The following TMEM132C variants were observed in gnomAD, a reference collection of about 807,000 sequenced individuals.
TMEM132C encodes transmembrane protein 132C.
Under a neutral mutation model 61.4 loss-of-function variants are expected in TMEM132C, and 29 were observed. The ratio of observed to expected loss-of-function variants is 0.47; its 90% confidence interval spans 0.35 to 0.64. TMEM132C has a LOEUF of 0.64. TMEM132C is among the 30% of genes least tolerant of loss of function. The pLI, the probability that TMEM132C is intolerant of heterozygous loss-of-function variation, is 0.00. For missense variants in TMEM132C, 1,408 were observed against 1,476.9 expected (o/e 0.95, Z 0.76); for synonymous variants, 656 against 633.1 (o/e 1.04, Z -0.54).
intron 1 of TMEM132C, among the ~76,000 whole-genome samples, chr12:128,273,624 C>T (rs543415947): frequency 6.6e-6 from 1 of 152,028 alleles, no homozygotes; most frequent in African/African-American, 2.4e-5. Context: ...TTCTTCTTTC[C>T]CTACCAGCTT....
At chr12:128,541,397 C>G (rs960641071) in intron 2 of TMEM132C, among the ~76,000 whole-genome samples, 5 of 152,050 alleles carry the variant, frequency 3.3e-5, no homozygotes, top group African/African-American at 1.2e-4. Flanking sequence ...GGTGATGAGC[C>G]CCTCTGTTCC....
At chr12:128,508,052 G>T (rs1485738140) in intron 2 of TMEM132C, among the ~76,000 whole-genome samples, 1 of 152,124 alleles carries the variant, frequency 6.6e-6, no homozygotes, top group East Asian at 1.9e-4. Flanking sequence ...CCCTTGGTTT[G>T]TCTGTGGGTG....
intron 5 of TMEM132C, among the ~76,000 whole-genome samples, chr12:128,683,724 TG>T (rs1328283043): frequency 6.6e-6 from 1 of 152,162 alleles, no homozygotes; most frequent in Non-Finnish European, 1.5e-5. Flanking sequence ...CCTAGCACTT[TG>T]GGGGGCCAAG....
chr12:128,299,833 A>G (rs1355693746), intron 1 of TMEM132C, among the ~76,000 whole-genome samples: 3 of 151,994 alleles, frequency 2.0e-5, no homozygotes, highest in African/African-American at 7.3e-5. Context: ...TCACCCCTAC[A>G]CGTGATTGCA....
chr12:128,521,911 G>A (rs1323944963), intron 2 of TMEM132C, among the ~76,000 whole-genome samples: 1 of 152,128 alleles, frequency 6.6e-6, no homozygotes, highest in Non-Finnish European at 1.5e-5. Context: ...CTTCACTCCT[G>A]TACTGCTTGG....
intron 2 of TMEM132C, among the ~76,000 whole-genome samples, chr12:128,538,227 T>C (rs909783893): frequency 6.6e-6 from 1 of 152,170 alleles, no homozygotes; most frequent in Non-Finnish European, 1.5e-5. Flanking sequence ...TTCAAGTGAT[T>C]CCCCTGCCTC....
chr12:128,619,209 G>A (rs929560693), intron 4 of TMEM132C, among the ~76,000 whole-genome samples: 1 of 152,178 alleles, frequency 6.6e-6, no homozygotes, highest in Non-Finnish European at 1.5e-5. Context: ...TTTGTTGATC[G>A]TTTTAAAGAA....
At chr12:128,686,098 A>ATGTGTGT (rs1566014989) in intron 5 of TMEM132C, among the ~76,000 whole-genome samples, 8 of 147,152 alleles carry the variant, frequency 5.4e-5, no homozygotes, top group East Asian at 2.0e-4. Context: ...TTGTGTGCGC[A>ATGTGTGT]TGTGTGTGCA....
chr12:128,481,915 C>T (rs796546163), intron 2 of TMEM132C, among the ~76,000 whole-genome samples: 15 of 152,278 alleles, frequency 9.9e-5, no homozygotes, highest in African/African-American at 3.4e-4. Flanking sequence ...TTGCAGAACC[C>T]TGGAGCATGT....
intron 4 of TMEM132C, among the ~76,000 whole-genome samples, chr12:128,640,711 G>A (rs1401085707): frequency 6.6e-6 from 1 of 152,160 alleles, no homozygotes; most frequent in Non-Finnish European, 1.5e-5. Context: ...AGGTAACATG[G>A]CAAAACCTCT....
intron 1 of TMEM132C, among the ~76,000 whole-genome samples, chr12:128,282,726 CT>C (rs993426541): frequency 2.0e-5 from 3 of 152,178 alleles, no homozygotes; most frequent in East Asian, 3.9e-4. Flanking sequence ...TGGGTTTTTA[CT>C]TTTTTTCAGT....
At chr12:128,515,193 T>C (rs1424021218) in intron 2 of TMEM132C, among the ~76,000 whole-genome samples, 1 of 152,188 alleles carries the variant, frequency 6.6e-6, no homozygotes, top group East Asian at 1.9e-4. Flanking sequence ...GTGTAACCTG[T>C]TTCTAGCCAT....
chr12:128,415,670 A>G lies in TMEM132C; in HGVS notation c.974+50A>G. 6.8e-7 allele frequency: 1 copy of G among 1,463,842 alleles called. No individual in the cohort carries two copies. The highest frequency in any genetic ancestry group is 9.1e-7 in the Non-Finnish European group (1 of 1,099,868). 90.7% of individuals were successfully genotyped at this position (1,463,842 alleles called of 1,614,324 possible). A position where few individuals can be genotyped will look rare whatever the true frequency, so the allele number is the denominator to read the frequency against. Reference sequence around the variant, plus strand: ...TCATCTTTGGCATGCCTGGTGTGAGACTGGGTTCCATGCGTGGCAGATAGA... The same window carrying G: ...TCATCTTTGGCATGCCTGGTGTGAGGCTGGGTTCCATGCGTGGCAGATAGA... On this transcript the variant is annotated intron_variant, in intron 2 of 8. Coordinates refer to ENST00000435159, the MANE Select transcript of TMEM132C (RefSeq NM_001136103.3). This position sits in a 1 kb window ranked among gnomAD's most constrained non-coding sequence, Gnocchi z 5.8.
intron 2 of TMEM132C, among the ~76,000 whole-genome samples, chr12:128,500,803 A>T (rs1872147189): frequency 6.6e-6 from 1 of 152,220 alleles, no homozygotes; most frequent in Non-Finnish European, 1.5e-5. Flanking sequence ...GAATTATCAC[A>T]TGATTTAGTA....
At chr12:128,591,659 AC>A (rs1398926632) in intron 3 of TMEM132C, among the ~76,000 whole-genome samples, 9 of 152,120 alleles carry the variant, frequency 5.9e-5, no homozygotes, top group Non-Finnish European at 1.2e-4. Context: ...TCTTTAAAGA[AC>A]TGATTGGCTG....
At chr12:128,625,538 C>CA (rs1419990637) in intron 4 of TMEM132C, among the ~76,000 whole-genome samples, 8 of 152,264 alleles carry the variant, frequency 5.3e-5, no homozygotes, top group Non-Finnish European at 1.0e-4. Context: ...CAAGGAGGAG[C>CA]AAGTCACATC....
At chr12:128,420,225 A>T (rs1868942146) in intron 2 of TMEM132C, among the ~76,000 whole-genome samples, 1 of 152,136 alleles carries the variant, frequency 6.6e-6, no homozygotes, top group Admixed American at 6.6e-5. Context: ...ATTACCAAGT[A>T]AATACAATGG....
At chr12:128,394,815 C>T (rs1874885428) in intron 1 of TMEM132C, among the ~76,000 whole-genome samples, 4 of 150,798 alleles carry the variant, frequency 2.7e-5, no homozygotes, top group South Asian at 2.1e-4. Context: ...CCAGCCAAAT[C>T]GGGTAATAGC....
chr12:128,624,698 T>G (rs1453777729), intron 4 of TMEM132C, among the ~76,000 whole-genome samples: 1 of 152,208 alleles, frequency 6.6e-6, no homozygotes, highest in African/African-American at 2.4e-5. Flanking sequence ...AGGTTACACT[T>G]CTACTTATAT....
Sources: gnomAD v4.1 joint callset for allele counts (sites outside exome capture counted in the v4.1 genomes callset) on GRCh38, gnomAD v4.1.1 for gene constraint, Gnocchi (gnomAD v3.1) non-coding constraint, MANE v1.5 for transcripts, NCBI Gene and HGNC (gene_info 2026-07-23, HGNC 2026-07-21) for gene names.